Variants in ZNF385D observed in about 807,000 individuals in gnomAD.
The protein encoded by ZNF385D is zinc finger protein 659.
In ZNF385D, 15 loss-of-function variants were observed where a neutral mutation model predicts 35.8. The observed-to-expected ratio is 0.42, with a 90% CI of 0.28 to 0.64. ZNF385D has a LOEUF of 0.64. Among genes scored for constraint, ZNF385D ranks in the 30% least tolerant of loss-of-function variants. The probability of loss-of-function intolerance (pLI) is 0.23; values close to 1 mark genes in which losing one functional copy is unlikely to be tolerated. For synonymous variants in ZNF385D, 212 were observed against 186.8 expected (o/e 1.13, Z -1.10); for missense variants, 474 against 494.6 (o/e 0.96, Z 0.39).
chr3:21,871,274 C>A (rs1697677506), intron 3 of ZNF385D, among the ~76,000 whole-genome samples: 1 of 152,148 alleles, frequency 6.6e-6, no homozygotes. Context: ...TCCAATGTCA[C>A]ATTGTCAAAA....
intron 2 of ZNF385D, among the ~76,000 whole-genome samples, chr3:21,642,275 C>T (rs1406861422): frequency 6.6e-6 from 1 of 152,074 alleles, no homozygotes; most frequent in African/African-American, 2.4e-5. Context: ...CTCCAAGACC[C>T]CTTTCTCTGC....
At chr3:22,308,768 T>G (rs1479708088) in intron 2 of ZNF385D, among the ~76,000 whole-genome samples, 1 of 152,104 alleles carries the variant, frequency 6.6e-6, no homozygotes, top group Non-Finnish European at 1.5e-5. Context: ...AGTGGAGATT[T>G]TAAACAATGA....
At chr3:21,990,415 A>T (rs1210416710) in intron 3 of ZNF385D, among the ~76,000 whole-genome samples, 1 of 152,220 alleles carries the variant, frequency 6.6e-6, no homozygotes, top group Non-Finnish European at 1.5e-5. Context: ...CTAACTTCCT[A>T]GCAAGAGCTC....
At chr3:22,017,585 C>T (rs1035419290) in intron 3 of ZNF385D, among the ~76,000 whole-genome samples, 3 of 151,494 alleles carry the variant, frequency 2.0e-5, no homozygotes, top group African/African-American at 7.3e-5. Context: ...CTTCCTTATT[C>T]TCTTTTATCA....
intron 2 of ZNF385D, among the ~76,000 whole-genome samples, chr3:22,216,682 G>T (rs1360148982): frequency 6.6e-6 from 1 of 152,152 alleles, no homozygotes; most frequent in Admixed American, 6.6e-5. Context: ...ATGTCATGTA[G>T]TAAAGTCTGC....
At chr3:21,837,756 C>T (rs1159784779) in intron 3 of ZNF385D, among the ~76,000 whole-genome samples, 1 of 151,722 alleles carries the variant, frequency 6.6e-6, no homozygotes, top group African/African-American at 2.4e-5. Context: ...CCTGTAGTCC[C>T]AGCTACTCAG....
chr3:21,558,873 A>T (rs1233687638), intron 3 of ZNF385D, among the ~76,000 whole-genome samples: 5 of 151,848 alleles, frequency 3.3e-5, no homozygotes, highest in Non-Finnish European at 5.9e-5. Flanking sequence ...TATATTTAGG[A>T]TCGTTAGCTC....
intron 2 of ZNF385D, among the ~76,000 whole-genome samples, chr3:21,588,649 G>A (rs2063884185): frequency 6.6e-6 from 1 of 152,004 alleles, no homozygotes; most frequent in Middle Eastern, 3.2e-3. Context: ...TAGAGTAAAT[G>A]CCATGTGAAT....
At chr3:21,895,553 C>CG (rs201589565) in intron 3 of ZNF385D, among the ~76,000 whole-genome samples, 1,732 of 146,830 alleles carry the variant, frequency 0.012, 31 homozygotes, top group African/African-American at 0.042. Context: ...GTTGGCCAGG[C>CG]TGGTCTCAAA....
chr3:22,089,654 G>T (rs1222017852), intron 3 of ZNF385D, among the ~76,000 whole-genome samples: 1 of 152,136 alleles, frequency 6.6e-6, no homozygotes, highest in Non-Finnish European at 1.5e-5. Context: ...TTGGATCTCT[G>T]CCCTGAGTAA....
chr3:22,170,326 T>A (rs967250260), intron 2 of ZNF385D, among the ~76,000 whole-genome samples: 13 of 152,196 alleles, frequency 8.5e-5, no homozygotes, highest in African/African-American at 3.1e-4. Context: ...TGGAATCAGG[T>A]AAATGAGATA....
chr3:22,090,919 G>C (rs1701298329), intron 3 of ZNF385D, among the ~76,000 whole-genome samples: 1 of 152,138 alleles, frequency 6.6e-6, no homozygotes, highest in South Asian at 2.1e-4. Flanking sequence ...ACTAACTAGT[G>C]TGAAGTTACA....
chr3:21,901,523 T>C (rs778515927), intron 3 of ZNF385D, among the ~76,000 whole-genome samples: 2 of 152,176 alleles, frequency 1.3e-5, no homozygotes, highest in Non-Finnish European at 2.9e-5. Context: ...TTGGTGTGCA[T>C]TGCATGCATT....
intron 2 of ZNF385D, among the ~76,000 whole-genome samples, chr3:22,266,303 C>T (rs1700892723): frequency 6.6e-6 from 1 of 151,992 alleles, no homozygotes; most frequent in East Asian, 1.9e-4. Context: ...AGCAAGATAC[C>T]TATGTTCACT....
chr3:21,882,862 C>A (rs193206913), intron 3 of ZNF385D, among the ~76,000 whole-genome samples: 156 of 152,042 alleles, frequency 1.0e-3, no homozygotes, highest in Non-Finnish European at 1.7e-3. Flanking sequence ...AGTTTCTCCA[C>A]TTTTCCTCAG....
chr3:22,280,871 C>T (rs539780925), intron 2 of ZNF385D, among the ~76,000 whole-genome samples: 2 of 151,476 alleles, frequency 1.3e-5, no homozygotes, highest in Non-Finnish European at 1.5e-5. Context: ...GTCATTTTCA[C>T]GTATTTCCAT....
chr3:21,788,042 T>TA (rs1169703629), intron 3 of ZNF385D, among the ~76,000 whole-genome samples: 3 of 146,298 alleles, frequency 2.1e-5, no homozygotes, highest in African/African-American at 5.1e-5. Context: ...TTGTGCCCAT[T>TA]AAAAAAACCC....
At chr3:22,037,722 A>G (rs1698424528) in intron 3 of ZNF385D, among the ~76,000 whole-genome samples, 1 of 152,036 alleles carries the variant, frequency 6.6e-6, no homozygotes, top group South Asian at 2.1e-4. Flanking sequence ...ATTAGATCCC[A>G]TTTGTCAATT....
At chr3:21,425,458 G>T (rs764738325) in intron 6 of ZNF385D, 34 bp downstream of exon 6, 6 of 1,545,854 alleles carry the variant, frequency 3.9e-6, no homozygotes, top group Non-Finnish European at 5.3e-6. Flanking sequence ...GCTGTCCCTT[G>T]TTGGTTTTCA....
Sources: allele counts gnomAD v4.1 joint callset (sites outside exome capture counted in the v4.1 genomes callset), GRCh38; gene constraint gnomAD v4.1.1; transcripts MANE v1.5; gene names NCBI Gene and HGNC (gene_info 2026-07-23, HGNC 2026-07-21).